RPRD2: variants seen among roughly 807,000 people sequenced by gnomAD.
The protein encoded by RPRD2 is regulation of nuclear pre-mRNA domain-containing protein 2.
Under a neutral mutation model 104.4 loss-of-function variants are expected in RPRD2, and 12 were observed. The observed-to-expected ratio is 0.11, with a 90% CI of 0.07 to 0.19. The LOEUF (loss-of-function observed/expected upper bound fraction) is 0.19, where lower values mean the gene tolerates loss of function less well. Among genes scored for constraint, RPRD2 ranks in the 10% least tolerant of loss-of-function variants. The pLI is 1.00. For missense variants in RPRD2, 1,543 were observed against 1,790.1 expected, an observed-to-expected ratio of 0.86 and a Z score of 2.49; for synonymous variants, 714 against 684.9, an observed-to-expected ratio of 1.04 and a Z score of -0.66.
At position 150,452,450 on chromosome 1, in the gene RPRD2, A is replaced by G. The variant is rs587665799; in HGVS notation, c.871-4838A>G. On this transcript the variant is annotated intron_variant, in intron 7 of 10. Coordinates refer to ENST00000369068, the MANE Select transcript of RPRD2 (RefSeq NM_015203.5). ...ACTGCCCTAAGAAACTAATATACCAATTAATGAATGTTTTGTGAGGAAGTA... is the reference window on the plus strand; with the variant it reads ...ACTGCCCTAAGAAACTAATATACCAGTTAATGAATGTTTTGTGAGGAAGTA... 1.2e-4 allele frequency among the ~76,000 whole-genome samples: 19 copies of G among 152,322 alleles called. No homozygotes were observed. In the South Asian group the frequency reaches 3.9e-3, roughly 32 times the overall value.
intron 10 of RPRD2, among the ~76,000 whole-genome samples, chr1:150,467,189 C>T (rs1668336294): frequency 6.6e-6 from 1 of 152,146 alleles, no homozygotes; most frequent in South Asian, 2.1e-4. Context: ...TTATAGTGAA[C>T]TTTGTCTGGA....
rs1365318432 is a variant in RPRD2 at position 150,475,548 on chromosome 1, C to T, written c.*2214C>T. The T allele has an allele frequency of 2.0e-5, 3 of 152,404 alleles. No individual in the cohort carries two copies. Among genetic ancestry groups the T allele is most frequent in the Non-Finnish European group, 4.4e-5 (3 of 67,998 alleles). The allele number at this position is 152,404 out of a possible 1,614,324, so 9.4% of individuals were successfully genotyped here. ...TTTGTTGGACAGTTTCGAAGGTGGGCTTTTAAGGAGTTGGGTTTTTGTGGG... is the reference window on the plus strand; with the variant it reads ...TTTGTTGGACAGTTTCGAAGGTGGGTTTTTAAGGAGTTGGGTTTTTGTGGG... On this transcript the variant is annotated 3_prime_UTR_variant, in exon 11 of 11. Coordinates refer to ENST00000369068, the MANE Select transcript of RPRD2 (RefSeq NM_015203.5).
At position 150,475,056 on chromosome 1, in the gene RPRD2, T is replaced by A. The variant is rs949840470; in HGVS notation, c.*1722T>A. On this transcript the variant is annotated 3_prime_UTR_variant, in exon 11 of 11. Transcript: ENST00000369068. ...GTTAGGATGCTGCAGGTCATTCATCTTCTTAATGCCTGTCTGGTCTTAAGC... is the reference window on the plus strand; with the variant it reads ...GTTAGGATGCTGCAGGTCATTCATCATCTTAATGCCTGTCTGGTCTTAAGC... 5.3e-5 allele frequency: 8 copies of A among 152,234 alleles called. No individual in the cohort carries two copies. Among genetic ancestry groups the A allele is most frequent in the Non-Finnish European group, 8.8e-5 (6 of 68,048 alleles). The allele number at this position is 152,234 out of a possible 1,614,324, so 9.4% of individuals were successfully genotyped here.
At chr1:150,439,911 T>A (rs2102351935) in intron 2 of RPRD2, among the ~76,000 whole-genome samples, 1 of 152,302 alleles carries the variant, frequency 6.6e-6, no homozygotes, top group Middle Eastern at 3.4e-3. Flanking sequence ...ATAATTAAAA[T>A]CTTTACTTAA....
intron 7 of RPRD2, among the ~76,000 whole-genome samples, chr1:150,449,672 C>T (rs1667024740): frequency 6.6e-6 from 1 of 152,042 alleles, no homozygotes; most frequent in South Asian, 2.1e-4. Flanking sequence ...GATGACCTCA[C>T]TTAACTTGAT....
Position 150,473,187 on chromosome 1 carries a change from C to A in RPRD2, c.4239C>A (p.Ile1413=). Residue 1413 remains isoleucine, a synonymous_variant, in exon 11 of 11, where the codon ATC becomes ATA. Coordinates refer to ENST00000369068, the MANE Select transcript of RPRD2 (RefSeq NM_015203.5). ...ACACCATCAGCCGGAGTGGTATAATCTTACGGAGTCCCCGGCCAGACTTTC... is the reference window on the plus strand; with the variant it reads ...ACACCATCAGCCGGAGTGGTATAATATTACGGAGTCCCCGGCCAGACTTTC... ...HRDTISRSGI[I]LRSPRPDFRP... is the part of the protein sequence containing the mutation. The A allele has an allele frequency of 6.2e-7, 1 of 1,614,010 alleles. No individual in the cohort carries two copies. The highest frequency in any genetic ancestry group is 8.5e-7 in the Non-Finnish European group (1 of 1,179,888).
At chr1:150,425,379 C>CAA (rs1219530014) in intron 2 of RPRD2, among the ~76,000 whole-genome samples, 1 of 152,096 alleles carries the variant, frequency 6.6e-6, no homozygotes, top group Non-Finnish European at 1.5e-5. Context: ...TGAGGTGGCT[C>CAA]ACGCCTGTAA....
chr1:150,444,432 T>C, intron 6 of RPRD2, 55 bp downstream of exon 6: 1 of 1,571,222 alleles, frequency 6.4e-7, no homozygotes, highest in Non-Finnish European at 8.7e-7. Context: ...ATGTGTCATT[T>C]TTCCAGTAAT....
intron 2 of RPRD2, among the ~76,000 whole-genome samples, chr1:150,432,628 T>TA (rs34187447): frequency 0.19 from 21,756 of 113,280 alleles, 1,889 homozygotes; most frequent in African/African-American, 0.26. Context: ...AAGAAAATGA[T>TA]AAAAAAAAAA....
intron 1 of RPRD2, among the ~76,000 whole-genome samples, chr1:150,412,101 C>T (rs1029474644): frequency 1.4e-4 from 22 of 151,792 alleles, no homozygotes; most frequent in African/African-American, 4.8e-4. Context: ...CTGGCCTGGG[C>T]GATAGAGTGA....
At position 150,369,441 on chromosome 1, in the gene RPRD2, A is replaced by ATTTTTTTT. The variant is rs58054758; in HGVS notation, c.205+4548_205+4555dup. On this transcript the variant is annotated intron_variant, in intron 1 of 10. Coordinates refer to ENST00000369068, the MANE Select transcript of RPRD2 (RefSeq NM_015203.5). Reference sequence around the variant, plus strand: ...GGAACCATGCCACCACACCTGGCTAATTTTTTTTTTTTTTTTTTTTTTTTT... The same window carrying ATTTTTTTT: ...GGAACCATGCCACCACACCTGGCTAATTTTTTTTTTTTTTTTTTTTTTTTTTTTTTTTT... Among the ~76,000 whole-genome samples, 14 of 57,532 alleles carry ATTTTTTTT rather than the reference A, an allele frequency of 2.4e-4. 1 individual carries two copies. Among genetic ancestry groups the ATTTTTTTT allele is most frequent in the South Asian group, 7.7e-4 (1 of 1,292 alleles). 37.7% of individuals were successfully genotyped at this position (57,532 alleles called of 152,430 possible). A position where few individuals can be genotyped will look rare whatever the true frequency, so the allele number is the denominator to read the frequency against.
At chr1:150,386,065 A>G (rs1354310096) in intron 1 of RPRD2, among the ~76,000 whole-genome samples, 1 of 152,174 alleles carries the variant, frequency 6.6e-6, no homozygotes, top group Non-Finnish European at 1.5e-5. Flanking sequence ...TAAGAAAGAT[A>G]AATAAAGCTG....
chr1:150,364,665 C>T lies in RPRD2; in HGVS notation c.-50C>T. Reference sequence around the variant, plus strand: ...ATTGTTTTGCCCGCTCCCGCCGCCGCCGCCGCCGCCGCCGCCAGAGGAGCA... The same window carrying T: ...ATTGTTTTGCCCGCTCCCGCCGCCGTCGCCGCCGCCGCCGCCAGAGGAGCA... On this transcript the variant is annotated 5_prime_UTR_variant, in exon 1 of 11. Coordinates refer to ENST00000369068, the MANE Select transcript of RPRD2 (RefSeq NM_015203.5). 1 of 1,087,186 alleles carries T rather than the reference C, an allele frequency of 9.2e-7. No homozygotes were observed. Among genetic ancestry groups the T allele is most frequent in the Non-Finnish European group, 1.3e-6 (1 of 756,068 alleles). The allele number at this position is 1,087,186 out of a possible 1,614,324, so 67.3% of individuals were successfully genotyped here.
chr1:150,368,042 C>CA (rs1283731164), intron 1 of RPRD2, among the ~76,000 whole-genome samples: 1 of 152,034 alleles, frequency 6.6e-6, no homozygotes, highest in African/African-American at 2.4e-5. Flanking sequence ...TATCCCATTG[C>CA]AACAAGTTGA....
chr1:150,467,708 G>A (rs1668370790), intron 10 of RPRD2, among the ~76,000 whole-genome samples: 1 of 152,142 alleles, frequency 6.6e-6, no homozygotes, highest in Non-Finnish European at 1.5e-5. Context: ...AATTTGAACA[G>A]AACTAGGTTC....
At chr1:150,397,196 A>G (rs1662594304) in intron 1 of RPRD2, among the ~76,000 whole-genome samples, 1 of 151,872 alleles carries the variant, frequency 6.6e-6, no homozygotes, top group Admixed American at 6.6e-5. Flanking sequence ...CTGATCTCAA[A>G]CTCCTGACCT....
intron 1 of RPRD2, among the ~76,000 whole-genome samples, chr1:150,394,434 G>A (rs1376052015): frequency 6.6e-6 from 1 of 152,092 alleles, no homozygotes; most frequent in African/African-American, 2.4e-5. Flanking sequence ...AAATTATATT[G>A]CTCTCTACAA....
rs782792225 is a variant in RPRD2, at chr1:150,464,621, A to G, written c.1506A>G (p.Thr502=). 1 of 1,612,128 alleles carries G rather than the reference A, an allele frequency of 6.2e-7. No homozygotes were observed. Among genetic ancestry groups the G allele is most frequent in the Non-Finnish European group, 8.5e-7 (1 of 1,179,136 alleles). Residue 502 remains threonine (T), a synonymous_variant, in exon 10 of 11, where the codon ACA becomes ACG. Coordinates refer to ENST00000369068, the MANE Select transcript of RPRD2 (RefSeq NM_015203.5). The part of the protein sequence containing the change: ...GLKTPAPATT[T]SHNPLANILS... ...AAACACCTGCACCTGCCACGACAAC[A>G]TCTCACAACCCTCTGGCAAATATCC...
At chr1:150,366,450 C>T (rs1572327463) in intron 1 of RPRD2, among the ~76,000 whole-genome samples, 1 of 152,124 alleles carries the variant, frequency 6.6e-6, no homozygotes, top group African/African-American at 2.4e-5. Flanking sequence ...TACCAATAAC[C>T]GATCAAAGAG....
Sources: allele counts gnomAD v4.1 joint callset (sites outside exome capture counted in the v4.1 genomes callset), GRCh38; gene constraint gnomAD v4.1.1; transcripts MANE v1.5; gene names NCBI Gene and HGNC (gene_info 2026-07-23, HGNC 2026-07-21).